Variants in RGL1 observed in about 807,000 individuals in gnomAD.
The protein encoded by RGL1 is ral guanine nucleotide dissociation stimulator like 1.
A neutral mutation model predicts 95.2 loss-of-function variants in RGL1; 24 were observed. That is an observed-to-expected ratio of 0.25 (90% CI 0.18 to 0.35). The LOEUF is 0.35. RGL1 is among the 10% of genes least tolerant of loss of function. The pLI is 1.00. For missense variants in RGL1, 715 were observed against 936.3 expected, an observed-to-expected ratio of 0.76 and a Z score of 3.08; for synonymous variants, 329 against 344.9, an observed-to-expected ratio of 0.95 and a Z score of 0.51.
At chr1:183,726,009 C>T (rs150133653) in intron 1 of RGL1, among the ~76,000 whole-genome samples, 2 of 152,052 alleles carry the variant, frequency 1.3e-5, no homozygotes, top group Non-Finnish European at 2.9e-5. Flanking sequence ...TAGAAAGATA[C>T]ATAGAAAATC....
intron 2 of RGL1, among the ~76,000 whole-genome samples, chr1:183,776,394 C>G (rs886633411): frequency 6.6e-6 from 1 of 151,626 alleles, no homozygotes; most frequent in African/African-American, 2.4e-5. Flanking sequence ...GTGATCCGCC[C>G]GCCTCGGCCT....
At chr1:183,918,872 C>G (rs1669150521) in intron 16 of RGL1, among the ~76,000 whole-genome samples, 1 of 152,234 alleles carries the variant, frequency 6.6e-6, no homozygotes, top group Non-Finnish European at 1.5e-5. Context: ...ATCGTTAGGC[C>G]TCTCAGGAGA....
At chr1:183,744,547 A>T (rs1657505216) in intron 2 of RGL1, among the ~76,000 whole-genome samples, 1 of 152,236 alleles carries the variant, frequency 6.6e-6, no homozygotes, top group Admixed American at 6.5e-5. Context: ...TGGCCCTGTC[A>T]TAAATCTGAA....
intron 2 of RGL1, among the ~76,000 whole-genome samples, chr1:183,767,719 G>A (rs1202022187): frequency 1.3e-5 from 2 of 152,144 alleles, no homozygotes; most frequent in East Asian, 1.9e-4. Flanking sequence ...TTGTGAGGCC[G>A]AGGTGGGCAG....
intron 1 of RGL1, among the ~76,000 whole-genome samples, chr1:183,658,140 G>C (rs1024374263): frequency 6.6e-6 from 1 of 152,244 alleles, no homozygotes; most frequent in Non-Finnish European, 1.5e-5. Context: ...CGCAGAAGAT[G>C]GCTGATTTCT....
intron 16 of RGL1, 64 bp downstream of exon 16, chr1:183,916,765 C>A: frequency 6.4e-7 from 1 of 1,557,506 alleles, no homozygotes; most frequent in Non-Finnish European, 8.7e-7. Context: ...TGTCTGTCGG[C>A]CGCTCAGACT....
chr1:183,897,719 G>C, intron 9 of RGL1, 89 bp from the exon 10 acceptor site: 1 of 904,218 alleles, frequency 1.1e-6, no homozygotes, highest in South Asian at 1.5e-5. Context: ...AGTTATGCAG[G>C]GTTGTGTGCG....
At chr1:183,871,549 T>G (rs1666184517) in intron 4 of RGL1, among the ~76,000 whole-genome samples, 1 of 152,212 alleles carries the variant, frequency 6.6e-6, no homozygotes, top group Admixed American at 6.5e-5. Context: ...CAAATATTGT[T>G]TGTTTTCCCG....
chr1:183,876,884 A>G (rs1001013556), intron 4 of RGL1, among the ~76,000 whole-genome samples: 2 of 152,166 alleles, frequency 1.3e-5, no homozygotes, highest in African/African-American at 4.8e-5. Flanking sequence ...TCGCTGAGCC[A>G]TTTTACCTTT....
At chr1:183,876,586 C>A (rs1666509595) in intron 4 of RGL1, among the ~76,000 whole-genome samples, 1 of 152,240 alleles carries the variant, frequency 6.6e-6, no homozygotes, top group Admixed American at 6.5e-5. Flanking sequence ...TTGTAATCAT[C>A]CAGTTTGGCT....
At chr1:183,846,159 A>T (rs1664411533) in intron 2 of RGL1, among the ~76,000 whole-genome samples, 1 of 152,238 alleles carries the variant, frequency 6.6e-6, no homozygotes, top group African/African-American at 2.4e-5. Context: ...CCCATCAGTG[A>T]TAGACTGGAT....
chr1:183,847,474 A>G (rs1231218898), intron 2 of RGL1, 92 bp from the exon 3 acceptor site: 1 of 1,022,074 alleles, frequency 9.8e-7, no homozygotes, highest in Non-Finnish European at 1.5e-6. Context: ...GAGAGGAAAC[A>G]TAACAGGCTA....
intron 1 of RGL1, among the ~76,000 whole-genome samples, chr1:183,661,582 A>G (rs1224376825): frequency 6.6e-6 from 1 of 151,724 alleles, no homozygotes; most frequent in African/African-American, 2.4e-5. Flanking sequence ...TACCAACGAA[A>G]AAGAGTCCAG....
chr1:183,685,129 G>A (rs1417167420), intron 1 of RGL1, among the ~76,000 whole-genome samples: 2 of 152,126 alleles, frequency 1.3e-5, no homozygotes, highest in African/African-American at 2.4e-5. Flanking sequence ...TTGGAGAAAT[G>A]TATACAGTAC....
At position 183,788,287 on chromosome 1, in the gene RGL1, C is replaced by A. The variant is rs1452566379; in HGVS notation, c.133-18088C>A. On this transcript the variant is annotated intron_variant, in intron 2 of 18. Transcript: ENST00000304685. Reference sequence around the variant, plus strand: ...TCAGGAGAGCCAATGATGTAAATCCCAGTCCAAGCACATTAAAAGATGAGA... The same window carrying A: ...TCAGGAGAGCCAATGATGTAAATCCAAGTCCAAGCACATTAAAAGATGAGA... Among the ~76,000 whole-genome samples, 6 of 152,152 alleles carry A rather than the reference C, an allele frequency of 3.9e-5. No homozygotes were observed. In the East Asian group the frequency reaches 1.2e-3, roughly 29 times the overall value.
chr1:183,916,260 T>C (rs958143363), intron 15 of RGL1, among the ~76,000 whole-genome samples, 187 bp from the exon 16 acceptor site: 16 of 152,200 alleles, frequency 1.1e-4, no homozygotes, highest in African/African-American at 3.9e-4. Context: ...GAGTCACCGA[T>C]AGGCATCTAC....
At chr1:183,764,280 A>G (rs952928686) in intron 2 of RGL1, among the ~76,000 whole-genome samples, 10 of 152,186 alleles carry the variant, frequency 6.6e-5, no homozygotes, top group African/African-American at 2.2e-4. Context: ...AACTGCCTAA[A>G]ATTAGGGGCT....
intron 1 of RGL1, among the ~76,000 whole-genome samples, chr1:183,714,805 C>T (rs909227975): frequency 1.1e-4 from 16 of 152,168 alleles, no homozygotes. Context: ...CTCCCAGCCA[C>T]CTGAAAGAGC....
intron 1 of RGL1, among the ~76,000 whole-genome samples, chr1:183,655,517 G>T (rs1443508893): frequency 6.6e-6 from 1 of 152,312 alleles, no homozygotes; most frequent in African/African-American, 2.4e-5. Context: ...TTCAAGTAAA[G>T]ATCAGAAGAT....
Sources: allele counts gnomAD v4.1 joint callset (sites outside exome capture counted in the v4.1 genomes callset), GRCh38; gene constraint gnomAD v4.1.1; transcripts MANE v1.5; gene names NCBI Gene and HGNC (gene_info 2026-07-23, HGNC 2026-07-21).